The following INPP4A variants were observed in gnomAD, a reference collection of about 807,000 sequenced individuals.
INPP4A encodes the protein inositol polyphosphate-4-phosphatase, type I, 107kD.
In INPP4A, 33 loss-of-function variants were observed where a neutral mutation model predicts 119.8. The ratio of observed to expected loss-of-function variants is 0.28; its 90% CI spans 0.21 to 0.37. INPP4A has a LOEUF of 0.37. Ranked by LOEUF, INPP4A falls within the 10% of genes least tolerant of loss-of-function variation. INPP4A has a pLI of 1.00. For synonymous variants in INPP4A, 496 were observed against 500.7 expected (o/e 0.99, Z 0.12); for missense variants, 956 against 1,289.9 (o/e 0.74, Z 3.97).
At chr2:98,470,215 C>CA (rs1194119567) in intron 1 of INPP4A, among the ~76,000 whole-genome samples, 1 of 152,194 alleles carries the variant, frequency 6.6e-6, no homozygotes, top group Non-Finnish European at 1.5e-5. Flanking sequence ...GCTTGGCACT[C>CA]AGAGTGTTTC....
intron 4 of INPP4A, among the ~76,000 whole-genome samples, chr2:98,524,748 G>C (rs1009837184): frequency 6.6e-6 from 1 of 152,158 alleles, no homozygotes; most frequent in African/African-American, 2.4e-5. Context: ...GGGAATTCCT[G>C]TCCAGGCAGA....
chr2:98,510,546 C>T (rs570044171), intron 1 of INPP4A, among the ~76,000 whole-genome samples: 5 of 152,334 alleles, frequency 3.3e-5, no homozygotes, highest in South Asian at 4.2e-4. Flanking sequence ...TGAGGGCCTT[C>T]TTGCCATGTC....
chr2:98,512,803 G>T (rs1219417022), intron 1 of INPP4A, among the ~76,000 whole-genome samples: 5 of 152,176 alleles, frequency 3.3e-5, no homozygotes, highest in African/African-American at 7.2e-5. Context: ...GGTGCTGGGG[G>T]CCTGGTGGGC....
At chr2:98,538,449 G>C (rs1204774387) in intron 8 of INPP4A, among the ~76,000 whole-genome samples, 4 of 152,092 alleles carry the variant, frequency 2.6e-5, no homozygotes, top group South Asian at 4.2e-4. Flanking sequence ...ACACCCTCCT[G>C]CACCCACTGT....
chr2:98,468,164 G>A (rs572781358), intron 1 of INPP4A, among the ~76,000 whole-genome samples: 1 of 152,308 alleles, frequency 6.6e-6, no homozygotes, highest in Admixed American at 6.5e-5. Flanking sequence ...GTAAAACTTT[G>A]AGGTTTTACA....
At chr2:98,550,834 T>C (rs1693374494) in intron 13 of INPP4A, among the ~76,000 whole-genome samples, 1 of 152,160 alleles carries the variant, frequency 6.6e-6, no homozygotes, top group South Asian at 2.1e-4. Flanking sequence ...TCTCTTGGCC[T>C]GGGCAGAGGG....
Position 98,569,414 on chromosome 2 carries a change from TATC to T in INPP4A, c.2518+750_2518+752del, listed in dbSNP as rs1241534430. On this transcript the variant is annotated intron_variant, in intron 22 of 24. Transcript: ENST00000409851. This position sits in a 1 kb window ranked among gnomAD's most constrained non-coding sequence, Gnocchi z 5.1. ...CTAGGGGGCGCCACGCGTCAGAAGGTATCATCCCCTCTGTGTTACACTAGTGTC... is the reference window on the plus strand; with the variant it reads ...CTAGGGGGCGCCACGCGTCAGAAGGTATCCCCTCTGTGTTACACTAGTGTC... The T allele has an allele frequency of 6.6e-6, 1 of 152,240 alleles. No individual in the cohort carries two copies. Among genetic ancestry groups the T allele is most frequent in the Non-Finnish European group, 1.5e-5 (1 of 68,090 alleles). 9.4% of individuals were successfully genotyped at this position (152,240 alleles called of 1,614,324 possible).
intron 1 of INPP4A, among the ~76,000 whole-genome samples, chr2:98,450,865 G>C (rs1695103977): frequency 6.6e-6 from 1 of 152,110 alleles, no homozygotes; most frequent in African/African-American, 2.4e-5. Context: ...TCCGCCCCCT[G>C]GGTTCAAGCA....
intron 1 of INPP4A, among the ~76,000 whole-genome samples, chr2:98,448,067 A>C (rs1362231758): frequency 3.3e-5 from 5 of 150,990 alleles, no homozygotes; most frequent in Non-Finnish European, 7.4e-5. Context: ...AAAAAAAAAA[A>C]AATCATGGCC....
In INPP4A at chr2:98,570,625, CA is replaced by C. The variant is rs1697268763; in HGVS notation, c.2518+1960del. Among the ~76,000 whole-genome samples the C allele has an allele frequency of 6.6e-6, 1 of 151,990 alleles. No homozygotes were observed. Among genetic ancestry groups the C allele is most frequent in the Admixed American group, 6.5e-5 (1 of 15,274 alleles). ...GAGCTGCAGGGGCCATGGGAGTGCT[CA>C]AAGGTCCGAGGGAAGGAGAACACAC... On this transcript the variant is annotated intron_variant, in intron 22 of 24. Coordinates refer to ENST00000409851, the MANE Select transcript of INPP4A (RefSeq NM_001134225.2). This position sits in a 1 kb window ranked among gnomAD's most constrained non-coding sequence, Gnocchi z 4.3.
At chr2:98,470,018 A>G (rs1483704545) in intron 1 of INPP4A, among the ~76,000 whole-genome samples, 1 of 152,204 alleles carries the variant, frequency 6.6e-6, no homozygotes, top group African/African-American at 2.4e-5. Flanking sequence ...AGGCATAGTC[A>G]TGACTGATGT....
At chr2:98,581,144 A>G (rs542891042) in intron 24 of INPP4A, among the ~76,000 whole-genome samples, 3 of 152,272 alleles carry the variant, frequency 2.0e-5, no homozygotes, top group South Asian at 2.1e-4. Context: ...GAGAAGGTCA[A>G]ATCCCCAATG....
At chr2:98,563,704 A>G in intron 18 of INPP4A, 67 bp downstream of exon 18, 1 of 1,523,076 alleles carries the variant, frequency 6.6e-7, no homozygotes, top group Non-Finnish European at 8.9e-7. Flanking sequence ...CAGGCTTAGG[A>G]AGCCCTTCCC....
intron 20 of INPP4A, 83 bp from the exon 21 acceptor site, chr2:98,565,946 G>A (rs1696350827): frequency 2.0e-6 from 3 of 1,522,750 alleles, no homozygotes; most frequent in Admixed American, 2.1e-5. Context: ...CCATCACTAA[G>A]CCAGAGGGCC....
intron 1 of INPP4A, among the ~76,000 whole-genome samples, chr2:98,499,479 T>C (rs1682683548): frequency 6.6e-6 from 1 of 152,214 alleles, no homozygotes; most frequent in South Asian, 2.1e-4. Context: ...TTATTTGAGA[T>C]TTCAAGGCTT....
chr2:98,578,486 G>A (rs925247744), intron 24 of INPP4A, among the ~76,000 whole-genome samples: 2 of 152,092 alleles, frequency 1.3e-5, no homozygotes, highest in East Asian at 1.9e-4. Context: ...CTCAGTTCTC[G>A]GGCTCTCGAA....
intron 1 of INPP4A, among the ~76,000 whole-genome samples, chr2:98,506,527 C>A (rs757710042): frequency 1.7e-4 from 26 of 152,238 alleles, no homozygotes; most frequent in Non-Finnish European, 2.6e-4. Flanking sequence ...AGATTTTTTA[C>A]CTACAGAGAC....
intron 22 of INPP4A, chr2:98,572,125 TTC>T (rs1195338116): frequency 6.6e-6 from 1 of 152,340 alleles, no homozygotes; most frequent in African/African-American, 2.4e-5. Context: ...CTTGAGGCTC[TTC>T]TCTTTGTCTC....
rs534182419 is a variant in INPP4A at position 98,569,015 on chromosome 2, G to A, written c.2518+347G>A. On this transcript the variant is annotated intron_variant, in intron 22 of 24. Coordinates refer to ENST00000409851, the MANE Select transcript of INPP4A (RefSeq NM_001134225.2). The surrounding 1 kb of genome is among the most constrained non-coding windows in gnomAD (Gnocchi z 5.1). ...AGGACCCACCCTCGGCCAGGTGAGCGGCCCACTCACTTCCCTTTGTGGTGC... is the reference window on the plus strand; with the variant it reads ...AGGACCCACCCTCGGCCAGGTGAGCAGCCCACTCACTTCCCTTTGTGGTGC... 1.9e-5 allele frequency: 4 copies of A among 208,040 alleles called. No individual in the cohort carries two copies. The highest frequency in any genetic ancestry group is 8.7e-5 in the South Asian group (1 of 11,482). 12.9% of individuals were successfully genotyped at this position (208,040 alleles called of 1,614,324 possible).
Sources: allele counts gnomAD v4.1 joint callset (sites outside exome capture counted in the v4.1 genomes callset), GRCh38; gene constraint gnomAD v4.1.1; non-coding constraint Gnocchi (gnomAD v3.1); transcripts MANE v1.5; gene names NCBI Gene and HGNC (gene_info 2026-07-23, HGNC 2026-07-21).